Variants in NME7 observed in about 807,000 individuals in gnomAD.
NME7 encodes NME/NM23 family member 7, also known as nucleoside diphosphate kinase 7.
NME7 carries 41 observed loss-of-function variants against 49.1 expected under a neutral mutation model. The ratio of observed to expected loss-of-function variants is 0.83; its 90% CI spans 0.65 to 1.08. The LOEUF (loss-of-function observed/expected upper bound fraction) is 1.08. Among genes scored for constraint, NME7 ranks in the 50% least tolerant of loss-of-function variants. NME7 has a pLI of 0.00. For missense variants in NME7, 423 were observed against 463.4 expected (o/e 0.91, Z 0.80); for synonymous variants, 139 against 150.6 (o/e 0.92, Z 0.56).
intron 7 of NME7, among the ~76,000 whole-genome samples, chr1:169,249,879 T>C (rs1054123091): frequency 6.6e-6 from 1 of 152,048 alleles, no homozygotes; most frequent in Non-Finnish European, 1.5e-5. Context: ...AATTAGCTAG[T>C]ATTTTGTTGA....
intron 7 of NME7, among the ~76,000 whole-genome samples, chr1:169,258,677 G>T (rs191003080): frequency 1.5e-5 from 2 of 130,882 alleles, no homozygotes; most frequent in Non-Finnish European, 3.6e-5. Context: ...ACCACAACAC[G>T]GATCACAAGG....
At chr1:169,330,404 G>T (rs6687062) in intron 1 of NME7, among the ~76,000 whole-genome samples, 3,872 of 152,208 alleles carry the variant, frequency 0.025, 141 homozygotes, top group African/African-American at 0.086. Flanking sequence ...AAATGGCTGG[G>T]CGTGGTGGAT....
At chr1:169,334,012 A>G (rs1652365062) in intron 1 of NME7, among the ~76,000 whole-genome samples, 1 of 152,198 alleles carries the variant, frequency 6.6e-6, no homozygotes, top group Non-Finnish European at 1.5e-5. Context: ...TTACTTCACA[A>G]TAGGCAGCAA....
At chr1:169,234,583 C>T (rs1647780347) in intron 9 of NME7, among the ~76,000 whole-genome samples, 1 of 152,022 alleles carries the variant, frequency 6.6e-6, no homozygotes. Flanking sequence ...TTAATTCCCA[C>T]AACAATCTCA....
At chr1:169,255,867 T>C (rs2101854837) in intron 7 of NME7, among the ~76,000 whole-genome samples, 1 of 132,674 alleles carries the variant, frequency 7.5e-6, no homozygotes, top group African/African-American at 2.5e-5. Flanking sequence ...AAAATTCTTT[T>C]CTTTAAGAAT....
chr1:169,330,432 C>A (rs950205423), intron 1 of NME7, among the ~76,000 whole-genome samples: 4 of 152,168 alleles, frequency 2.6e-5, no homozygotes, highest in African/African-American at 9.6e-5. Flanking sequence ...GTAATCCCAG[C>A]ACTTTGGGAG....
At chr1:169,187,624 T>C (rs1660105020) in intron 10 of NME7, among the ~76,000 whole-genome samples, 1 of 152,228 alleles carries the variant, frequency 6.6e-6, no homozygotes, top group Non-Finnish European at 1.5e-5. Flanking sequence ...TCCATCCCTT[T>C]ATTTTGAGAC....
intron 7 of NME7, chr1:169,283,693 C>G (rs1360020813): frequency 6.6e-6 from 1 of 152,128 alleles, no homozygotes; most frequent in South Asian, 2.1e-4. Context: ...TTTATTTCTC[C>G]TTCACTTATG....
intron 7 of NME7, among the ~76,000 whole-genome samples, chr1:169,274,903 T>G (rs1649640351): frequency 7.5e-6 from 1 of 133,716 alleles, no homozygotes. Context: ...GGTAGCGTGA[T>G]GCCTCCAGCT....
chr1:169,149,648 A>G (rs1279669868), intron 11 of NME7, among the ~76,000 whole-genome samples: 1 of 152,252 alleles, frequency 6.6e-6, no homozygotes, highest in Non-Finnish European at 1.5e-5. Context: ...CTGTAATTAC[A>G]GTTATGTTGT....
chr1:169,198,129 A>C (rs946281942), intron 10 of NME7, among the ~76,000 whole-genome samples: 6 of 152,110 alleles, frequency 3.9e-5, no homozygotes, highest in Non-Finnish European at 8.8e-5. Flanking sequence ...GTCAATAGGG[A>C]AATGCAAATT....
At chr1:169,140,504 T>C (rs1204379886) in intron 11 of NME7, among the ~76,000 whole-genome samples, 1 of 152,184 alleles carries the variant, frequency 6.6e-6, no homozygotes, top group Non-Finnish European at 1.5e-5. Context: ...ATAATACTTT[T>C]TTAAAAAGGA....
At chr1:169,224,364 C>G (rs939919436) in intron 10 of NME7, among the ~76,000 whole-genome samples, 2 of 152,144 alleles carry the variant, frequency 1.3e-5, no homozygotes, top group Non-Finnish European at 2.9e-5. Context: ...CATGCTTACC[C>G]CACCTGGGCT....
chr1:169,166,233 C>T (rs1659409176), intron 11 of NME7, among the ~76,000 whole-genome samples: 1 of 151,930 alleles, frequency 6.6e-6, no homozygotes, highest in African/African-American at 2.4e-5. Context: ...TCCAAGCTAT[C>T]AGAAAGTGAG....
intron 1 of NME7, among the ~76,000 whole-genome samples, chr1:169,342,973 AAG>A (rs1444579116): frequency 4.2e-5 from 4 of 96,352 alleles, no homozygotes; most frequent in Non-Finnish European, 7.1e-5. Flanking sequence ...ATATATATAC[AAG>A]TACATATATA....
At chr1:169,164,341 C>A (rs1432865878) in intron 11 of NME7, among the ~76,000 whole-genome samples, 1 of 152,022 alleles carries the variant, frequency 6.6e-6, no homozygotes, top group Non-Finnish European at 1.5e-5. Flanking sequence ...ATATGCCAGG[C>A]AAGAAAAAAT....
At chr1:169,137,537 C>A (rs555532324) in intron 11 of NME7, among the ~76,000 whole-genome samples, 6 of 152,082 alleles carry the variant, frequency 3.9e-5, no homozygotes, top group Non-Finnish European at 5.9e-5. Context: ...GGAACAGAGG[C>A]CCTGTGATGG....
chr1:169,279,031 T>C (rs1571349699), intron 7 of NME7, among the ~76,000 whole-genome samples: 3 of 152,306 alleles, frequency 2.0e-5, no homozygotes, highest in South Asian at 2.1e-4. Flanking sequence ...TGCTGACTGA[T>C]TGTTCCTCTT....
chr1:169,360,659 C>T (rs1432029288), intron 1 of NME7, among the ~76,000 whole-genome samples: 1 of 152,128 alleles, frequency 6.6e-6, no homozygotes, highest in Non-Finnish European at 1.5e-5. Flanking sequence ...TGCTCTTCTC[C>T]TAGGTTTCAC....
Sources: gnomAD v4.1 joint callset for allele counts (sites outside exome capture counted in the v4.1 genomes callset) on GRCh38, gnomAD v4.1.1 for gene constraint, MANE v1.5 for transcripts, NCBI Gene and HGNC (gene_info 2026-07-23, HGNC 2026-07-21) for gene names.